CNBD1: variants seen among roughly 807,000 people sequenced by gnomAD.
CNBD1 encodes the protein cyclic nucleotide-binding domain-containing protein 1.
Under a neutral mutation model 54.4 loss-of-function variants are expected in CNBD1, and 71 were observed. That is an observed-to-expected ratio of 1.30 (90% confidence interval 1.08 to 1.59). The LOEUF is 1.59. CNBD1 is among the 40% of genes most tolerant of loss of function. The pLI is 0.00. For synonymous variants in CNBD1, 182 were observed against 170.7 expected, an observed-to-expected ratio of 1.07 and a Z score of -0.51; for missense variants, 659 against 518.0, an observed-to-expected ratio of 1.27 and a Z score of -2.64.
chr8:87,324,075 C>A (rs1809605781), intron 8 of CNBD1, among the ~76,000 whole-genome samples: 1 of 125,306 alleles, frequency 8.0e-6, no homozygotes, highest in Admixed American at 7.8e-5. Context: ...TGGTTTTTGT[C>A]TTTGGCTCTT....
intron 4 of CNBD1, among the ~76,000 whole-genome samples, chr8:87,014,906 A>G (rs1224078950): frequency 6.6e-6 from 1 of 152,112 alleles, no homozygotes; most frequent in Non-Finnish European, 1.5e-5. Context: ...AGAATCTTGT[A>G]TGGTGAATTT....
chr8:87,390,411 C>G (rs1444073678), intron 2 of CNBD1, among the ~76,000 whole-genome samples: 1 of 150,226 alleles, frequency 6.7e-6, no homozygotes, highest in African/African-American at 2.4e-5. Context: ...AGAAAAAACC[C>G]CATCAAAAAG....
At chr8:87,300,812 T>TG (rs1348772698) in intron 8 of CNBD1, among the ~76,000 whole-genome samples, 1 of 152,128 alleles carries the variant, frequency 6.6e-6, no homozygotes, top group Non-Finnish European at 1.5e-5. Flanking sequence ...TGTGTACTTA[T>TG]GAATTTTAGC....
intron 4 of CNBD1, among the ~76,000 whole-genome samples, chr8:87,173,873 T>C (rs983199729): frequency 2.6e-5 from 4 of 151,936 alleles, no homozygotes; most frequent in African/African-American, 9.7e-5. Flanking sequence ...CTCTGCCTTC[T>C]CTTCGGGGCC....
At chr8:86,917,596 C>A (rs1050341019) in intron 3 of CNBD1, among the ~76,000 whole-genome samples, 2 of 152,086 alleles carry the variant, frequency 1.3e-5, no homozygotes, top group African/African-American at 2.4e-5. Flanking sequence ...GAGGGGAAGA[C>A]CAAGCTGCTG....
chr8:86,986,269 T>G (rs746577301), intron 4 of CNBD1, among the ~76,000 whole-genome samples: 1 of 152,180 alleles, frequency 6.6e-6, no homozygotes, highest in South Asian at 2.1e-4. Flanking sequence ...CAATTAGTGA[T>G]GATGAGCAGT....
intron 8 of CNBD1, among the ~76,000 whole-genome samples, chr8:87,319,986 T>A (rs1809484802): frequency 6.6e-6 from 1 of 152,036 alleles, no homozygotes; most frequent in Non-Finnish European, 1.5e-5. Flanking sequence ...GATCTGAATT[T>A]CAAAAAGTAT....
intron 6 of CNBD1, among the ~76,000 whole-genome samples, chr8:87,265,548 G>C (rs56075323): frequency 0.28 from 42,678 of 151,914 alleles, 6,465 homozygotes; most frequent in African/African-American, 0.39. Flanking sequence ...TAATTTTATA[G>C]TTTTTAAAAA....
intron 8 of CNBD1, among the ~76,000 whole-genome samples, chr8:87,344,610 C>T (rs1380213837): frequency 2.6e-5 from 4 of 151,988 alleles, no homozygotes; most frequent in African/African-American, 9.7e-5. Context: ...GGTTTACCTG[C>T]CCCTGTGTAG....
rs374785990 is a variant in CNBD1 at position 87,322,283 on chromosome 8, C to T, written c.1043-29402C>T. On this transcript the variant is annotated intron_variant, in intron 8 of 10. Transcript: ENST00000518476. ...AAACATACGTGTGCATGTGTCTTTA[C>T]AGCAGCATGATTTATAGTCATTTGG... Among the ~76,000 whole-genome samples the T allele has an allele frequency of 9.6e-4, 114 of 118,888 alleles. 1 individual carries two copies. In the East Asian group the frequency reaches 0.018, roughly 18 times the overall value. The allele number at this position is 118,888 out of a possible 152,430, so 78.0% of individuals were successfully genotyped here. A position where few individuals can be genotyped will look rare whatever the true frequency, so the allele number is the denominator to read the frequency against.
At chr8:87,390,744 T>C (rs924321087) in intron 2 of CNBD1, among the ~76,000 whole-genome samples, 5 of 152,152 alleles carry the variant, frequency 3.3e-5, no homozygotes, top group African/African-American at 9.7e-5. Flanking sequence ...TTACTGGGTA[T>C]ATACCCGAAG....
chr8:87,028,892 A>C (rs921512896), intron 4 of CNBD1, among the ~76,000 whole-genome samples: 2 of 152,128 alleles, frequency 1.3e-5, no homozygotes, highest in Non-Finnish European at 2.9e-5. Context: ...TCACCAATTT[A>C]TTTTCTCTGC....
At chr8:87,209,148 C>A (rs546583638) in intron 5 of CNBD1, among the ~76,000 whole-genome samples, 9 of 151,828 alleles carry the variant, frequency 5.9e-5, no homozygotes, top group Admixed American at 2.6e-4. Context: ...AAAAGGAGAT[C>A]CAAGAGAAAC....
intron 4 of CNBD1, among the ~76,000 whole-genome samples, chr8:86,985,638 T>C (rs954914310): frequency 2.0e-5 from 3 of 152,206 alleles, no homozygotes; most frequent in Non-Finnish European, 4.4e-5. Context: ...CAGTACACCA[T>C]TGAATAACAC....
At chr8:87,377,294 C>T (rs1431393882) in intron 10 of CNBD1, among the ~76,000 whole-genome samples, 1 of 136,508 alleles carries the variant, frequency 7.3e-6, no homozygotes, top group Non-Finnish European at 1.6e-5. Flanking sequence ...CAATGCTATC[C>T]CTCCCCCCTC....
intron 10 of CNBD1, among the ~76,000 whole-genome samples, chr8:87,364,458 A>G (rs2130940244): frequency 6.6e-6 from 1 of 150,994 alleles, no homozygotes; most frequent in East Asian, 1.9e-4. Context: ...ATTCTTTTAA[A>G]TCCAATTTGT....
At chr8:87,377,504 AG>A (rs1196319216) in intron 10 of CNBD1, among the ~76,000 whole-genome samples, 1 of 152,038 alleles carries the variant, frequency 6.6e-6, no homozygotes, top group Non-Finnish European at 1.5e-5. Context: ...ATGGCTGCAT[AG>A]TATTCCATGT....
intron 4 of CNBD1, among the ~76,000 whole-genome samples, chr8:87,190,917 C>T (rs1420043653): frequency 1.4e-5 from 2 of 139,720 alleles, no homozygotes; most frequent in African/African-American, 5.5e-5. Context: ...GTACATGTAT[C>T]TATATCTATT....
Position 87,425,151 on chromosome 8 carries a change from G to A in CNBD1, c.214-3395G>A, listed in dbSNP as rs201013638. Reference sequence around the variant, plus strand: ...TTCTGCATTCTTCACGTAGTTCTCGGGCCTTGGTTTTCAGCTCCATCAGCT... The same window carrying A: ...TTCTGCATTCTTCACGTAGTTCTCGAGCCTTGGTTTTCAGCTCCATCAGCT... On this transcript the variant is annotated intron_variant, in intron 2 of 7. Coordinates refer to the CNBD1 transcript ENST00000521593. Among the ~76,000 whole-genome samples the A allele has an allele frequency of 5.8e-3, 878 of 152,042 alleles. 6 individuals are homozygous for A. The highest frequency in any genetic ancestry group is 0.02 in the African/African-American group (829 of 41,442).
Sources: allele counts gnomAD v4.1 joint callset (sites outside exome capture counted in the v4.1 genomes callset), GRCh38; gene constraint gnomAD v4.1.1; transcripts MANE v1.5; gene names NCBI Gene and HGNC (gene_info 2026-07-23, HGNC 2026-07-21).